KLHL18: variants seen among roughly 807,000 people sequenced by gnomAD.
KLHL18 encodes kelch-like protein 18.
KLHL18 carries 38 observed loss-of-function variants against 58.5 expected under a neutral mutation model. The ratio of observed to expected loss-of-function variants is 0.65; its 90% CI spans 0.50 to 0.85. The LOEUF (loss-of-function observed/expected upper bound fraction) is 0.85. KLHL18 is among the 40% of genes least tolerant of loss of function. KLHL18 has a pLI of 0.00. For missense variants in KLHL18, 624 were observed against 778.4 expected, an observed-to-expected ratio of 0.80 and a Z score of 2.36; for synonymous variants, 303 against 301.9, an observed-to-expected ratio of 1.00 and a Z score of -0.04.
intron 3 of KLHL18, 49 bp from the exon 4 acceptor site, chr3:47,329,902 A>T: frequency 1.3e-6 from 2 of 1,519,444 alleles, no homozygotes; most frequent in Non-Finnish European, 9.1e-7. Context: ...ATGATCAAAG[A>T]TAACATCCTT....
At chr3:47,301,094 G>A (rs2107596044) in intron 1 of KLHL18, among the ~76,000 whole-genome samples, 1 of 151,822 alleles carries the variant, frequency 6.6e-6, no homozygotes, top group African/African-American at 2.4e-5. Flanking sequence ...TTTTATTGTT[G>A]AGTTTTTAGA....
chr3:47,301,369 C>A (rs1703021445), intron 1 of KLHL18, among the ~76,000 whole-genome samples: 1 of 151,964 alleles, frequency 6.6e-6, no homozygotes, highest in Non-Finnish European at 1.5e-5. Flanking sequence ...ATATTTAAAT[C>A]TTTGGTCCAT....
At chr3:47,292,904 CA>C (rs35830922) in intron 1 of KLHL18, among the ~76,000 whole-genome samples, 57,784 of 109,402 alleles carry the variant, frequency 0.53, 12,811 homozygotes, top group Non-Finnish European at 0.6. Context: ...GACCCTGTCT[CA>C]AAAAAAAAAA....
chr3:47,343,888 G>A lies in KLHL18; in HGVS notation c.1672G>A (p.Ala558Thr). ...TDCWTFMAPM[A>T]CHEGGVGVGC... ...CTGCTGGACATTCATGGCCCCCATG[G>A]CGTGCCATGAGGGAGGGGTCGGTGT... The change falls in exon 10 of 10, where the codon GCG becomes ACG. Residue 558 changes from alanine (A) to threonine (T), a missense_variant. Ala to Thr is a moderately conservative substitution (Grantham distance 58). Transcript: ENST00000232766. 1 of 1,614,174 alleles carries A rather than the reference G, an allele frequency of 6.2e-7. No individual in the cohort carries two copies. The highest frequency in any genetic ancestry group is 8.5e-7 in the Non-Finnish European group (1 of 1,180,032).
At chr3:47,298,826 T>A (rs908982583) in intron 1 of KLHL18, among the ~76,000 whole-genome samples, 2 of 152,248 alleles carry the variant, frequency 1.3e-5, no homozygotes. Context: ...TCACCCAGCC[T>A]AATGCCCATG....
chr3:47,324,675 A>T (rs1703673868), intron 3 of KLHL18, among the ~76,000 whole-genome samples: 1 of 152,014 alleles, frequency 6.6e-6, no homozygotes, highest in Non-Finnish European at 1.5e-5. Flanking sequence ...TCTACAAAAA[A>T]AAAATTTTTT....
intron 1 of KLHL18, among the ~76,000 whole-genome samples, chr3:47,319,073 G>A (rs1384316669): frequency 6.6e-6 from 1 of 152,226 alleles, no homozygotes; most frequent in Non-Finnish European, 1.5e-5. Flanking sequence ...TCAGGCTAAG[G>A]GTGTGTCAGT....
At chr3:47,342,858 G>A (rs767792344) in intron 9 of KLHL18, 28 bp downstream of exon 9, 7 of 1,480,052 alleles carry the variant, frequency 4.7e-6, no homozygotes, top group South Asian at 4.5e-5. Context: ...CTGGGATAAG[G>A]GTACCTACTT....
intron 1 of KLHL18, among the ~76,000 whole-genome samples, chr3:47,291,190 A>G (rs763963732): frequency 1.3e-4 from 20 of 152,222 alleles, no homozygotes; most frequent in Non-Finnish European, 2.6e-4. Context: ...CTTGTAGGCT[A>G]GTTGATGGAA....
chr3:47,286,039 C>CAA (rs1202754892), intron 1 of KLHL18, among the ~76,000 whole-genome samples: 438 of 122,046 alleles, frequency 3.6e-3, no homozygotes, highest in African/African-American at 0.013. Flanking sequence ...GACCCTGTCT[C>CAA]AAAAAAAAAA....
rs564052892 is a variant in KLHL18, at chr3:47,334,646, G to A, written c.762-37G>A. Reference sequence around the variant, plus strand: ...ATGCAAACGAGGACTAAGTCAGGGGGATACCTCCTGTTCTAGCATCTTCCA... The same window carrying A: ...ATGCAAACGAGGACTAAGTCAGGGGAATACCTCCTGTTCTAGCATCTTCCA... On this transcript the variant is annotated intron_variant, in intron 5 of 9. Coordinates refer to ENST00000232766, the MANE Select transcript of KLHL18 (RefSeq NM_025010.5). The surrounding 1 kb of genome is among the most constrained non-coding windows in gnomAD (Gnocchi z 4.7). The A allele has an allele frequency of 1.2e-4, 192 of 1,611,758 alleles. 2 individuals are homozygous for A. In the South Asian group the frequency reaches 1.9e-3, roughly 16 times the overall value.
At position 47,301,990 on chromosome 3, in the gene KLHL18, C is replaced by T. The variant is rs537707037; in HGVS notation, c.130-17663C>T. Among the ~76,000 whole-genome samples the T allele has an allele frequency of 2.0e-5, 3 of 152,162 alleles. No individual in the cohort carries two copies. In the South Asian group the frequency reaches 6.2e-4, roughly 32 times the overall value. On this transcript the variant is annotated intron_variant, in intron 1 of 9. Transcript: ENST00000232766. ...CTAACTTTTTTATTTTTTGTAGAGACGGGATCTTGCCATGATGCCCAGGCT... is the reference window on the plus strand; with the variant it reads ...CTAACTTTTTTATTTTTTGTAGAGATGGGATCTTGCCATGATGCCCAGGCT...
intron 1 of KLHL18, among the ~76,000 whole-genome samples, chr3:47,309,727 C>G (rs939694356): frequency 1.8e-4 from 28 of 152,338 alleles, no homozygotes; most frequent in African/African-American, 6.5e-4. Context: ...ACTGAGTGAA[C>G]GAGACTCCAT....
At position 47,333,330 on chromosome 3, in the gene KLHL18, G is replaced by A. The variant is rs1703910946; in HGVS notation, c.761+13G>A. The A allele has an allele frequency of 1.2e-6, 2 of 1,610,852 alleles. No individual in the cohort carries two copies. Among genetic ancestry groups the A allele is most frequent in the Non-Finnish European group, 1.7e-6 (2 of 1,178,126 alleles). On this transcript the variant is annotated intron_variant, in intron 5 of 9. Coordinates refer to ENST00000232766, the MANE Select transcript of KLHL18 (RefSeq NM_025010.5). ...GCCACAAATGCAGGTGAGTGAGGGT[G>A]GACCTGCACAGGACACTGCCAAAGG...
At chr3:47,325,903 G>A (rs1576171922) in intron 3 of KLHL18, among the ~76,000 whole-genome samples, 1 of 151,840 alleles carries the variant, frequency 6.6e-6, no homozygotes, top group East Asian at 1.9e-4. Context: ...GGAGTAGCAG[G>A]ATTACAGGTG....
intron 1 of KLHL18, among the ~76,000 whole-genome samples, chr3:47,303,311 C>A (rs1703066258): frequency 1.3e-5 from 2 of 152,080 alleles, no homozygotes; most frequent in Admixed American, 1.3e-4. Context: ...CTTTAAAGGT[C>A]CTGTGACACC....
At chr3:47,327,929 C>T (rs780004193) in intron 3 of KLHL18, among the ~76,000 whole-genome samples, 19 of 152,124 alleles carry the variant, frequency 1.2e-4, no homozygotes, top group African/African-American at 4.3e-4. Context: ...AAAGCATGCC[C>T]GGCCAATTTT....
intron 6 of KLHL18, among the ~76,000 whole-genome samples, chr3:47,335,631 C>A (rs138297230): frequency 3.3e-4 from 51 of 152,282 alleles, no homozygotes; most frequent in Middle Eastern, 6.8e-3. Context: ...CCTTAGCCTC[C>A]TGAGTAGCTG....
At chr3:47,306,413 G>T (rs1703149782) in intron 1 of KLHL18, among the ~76,000 whole-genome samples, 2 of 152,074 alleles carry the variant, frequency 1.3e-5, no homozygotes, top group Admixed American at 1.3e-4. Context: ...TTTTGACATG[G>T]TCAGATTCCT....
Sources: allele counts gnomAD v4.1 joint callset (sites outside exome capture counted in the v4.1 genomes callset), GRCh38; gene constraint gnomAD v4.1.1; non-coding constraint Gnocchi (gnomAD v3.1); transcripts MANE v1.5; gene names NCBI Gene and HGNC (gene_info 2026-07-23, HGNC 2026-07-21).